MARCHF3: variants seen among roughly 807,000 people sequenced by gnomAD.
The protein encoded by MARCHF3 is E3 ubiquitin-protein ligase MARCHF3.
In MARCHF3, 13 loss-of-function variants were observed where a neutral mutation model predicts 24.2. The ratio of observed to expected loss-of-function variants is 0.54; its 90% CI spans 0.35 to 0.85. The LOEUF (loss-of-function observed/expected upper bound fraction) is 0.85, where lower values mean the gene tolerates loss of function less well. MARCHF3 is among the 40% of genes least tolerant of loss of function. MARCHF3 has a pLI of 0.01. For synonymous variants in MARCHF3, 144 were observed against 137.3 expected, an observed-to-expected ratio of 1.05 and a Z score of -0.34; for missense variants, 276 against 325.0, an observed-to-expected ratio of 0.85 and a Z score of 1.16.
chr5:126,895,705 C>T (rs548536185), intron 3 of MARCHF3, among the ~76,000 whole-genome samples: 53 of 152,244 alleles, frequency 3.5e-4, no homozygotes, highest in African/African-American at 1.2e-3. Context: ...AGAACCACTG[C>T]TCTCTTCAAA....
chr5:126,884,463 G>C (rs139489761), intron 3 of MARCHF3, among the ~76,000 whole-genome samples: 1 of 152,102 alleles, frequency 6.6e-6, no homozygotes, highest in African/African-American at 2.4e-5. Flanking sequence ...ACCTCTAGAC[G>C]TGCACATTCA....
intron 1 of MARCHF3, among the ~76,000 whole-genome samples, chr5:127,012,713 A>G (rs1235333466): frequency 2.0e-5 from 3 of 152,246 alleles, no homozygotes; most frequent in Non-Finnish European, 4.4e-5. Flanking sequence ...AAGCCTTACA[A>G]TACAACAAAA....
At chr5:126,903,557 A>G (rs1389256463) in intron 3 of MARCHF3, among the ~76,000 whole-genome samples, 1 of 152,190 alleles carries the variant, frequency 6.6e-6, no homozygotes, top group East Asian at 1.9e-4. Context: ...TTTTACTTCA[A>G]TGAATATTAA....
intron 4 of MARCHF3, among the ~76,000 whole-genome samples, chr5:126,875,960 A>G (rs539440345): frequency 6.6e-6 from 1 of 152,328 alleles, no homozygotes; most frequent in Non-Finnish European, 1.5e-5. Flanking sequence ...AGGGTGATAA[A>G]TCTTGGGTTT....
intron 3 of MARCHF3, among the ~76,000 whole-genome samples, chr5:126,888,615 T>C (rs749147167): frequency 6.6e-6 from 1 of 152,240 alleles, no homozygotes. Flanking sequence ...TTCAGAATTA[T>C]GTGGCATATC....
intron 4 of MARCHF3, among the ~76,000 whole-genome samples, chr5:126,872,657 C>T (rs1227855011): frequency 1.3e-5 from 2 of 152,072 alleles, no homozygotes; most frequent in Admixed American, 6.6e-5. Flanking sequence ...AAGGCAGGCC[C>T]TTGATCAGAA....
chr5:126,995,375 T>G (rs943564443), intron 1 of MARCHF3, among the ~76,000 whole-genome samples: 1 of 152,248 alleles, frequency 6.6e-6, no homozygotes, highest in African/African-American at 2.4e-5. Flanking sequence ...TTGCAGGTTG[T>G]TGCACATGTT....
At chr5:126,941,799 A>G (rs890370957) in intron 1 of MARCHF3, among the ~76,000 whole-genome samples, 5 of 152,240 alleles carry the variant, frequency 3.3e-5, no homozygotes, top group African/African-American at 9.6e-5. Flanking sequence ...CCATCCAAAC[A>G]CTTGGCATGT....
At position 126,870,767 on chromosome 5, in the gene MARCHF3, A is replaced by G. The variant is rs1752939710; in HGVS notation, c.628T>C (p.Leu210=). 1 of 1,614,202 alleles carries G rather than the reference A, an allele frequency of 6.2e-7. No individual in the cohort carries two copies. Among genetic ancestry groups the G allele is most frequent in the East Asian group, 2.2e-5 (1 of 44,884 alleles). The change falls in exon 5 of 5, where the codon TTG becomes CTG. Residue 210 remains leucine (L), a synonymous_variant. Transcript: ENST00000308660. ...TTGGTCCGACGCCACTCGTTGTACA[A>G]TCGACAGTGGTACCTAAATGACACC... ...TLVSFRYHCR[L]YNEWRRTNQR...
chr5:126,894,639 G>T (rs1158052833), intron 3 of MARCHF3, among the ~76,000 whole-genome samples: 3 of 151,934 alleles, frequency 2.0e-5, no homozygotes, highest in Admixed American at 2.0e-4. Flanking sequence ...GGCTTGTAGG[G>T]TTTCTGCCGA....
chr5:126,927,279 C>G (rs541468880), intron 1 of MARCHF3, among the ~76,000 whole-genome samples: 1 of 152,302 alleles, frequency 6.6e-6, no homozygotes, highest in East Asian at 1.9e-4. Flanking sequence ...TTATCACTTG[C>G]TGTCTGCATA....
chr5:126,923,726 G>GC (rs1187609346), intron 1 of MARCHF3, among the ~76,000 whole-genome samples: 1 of 152,200 alleles, frequency 6.6e-6, no homozygotes. Context: ...AGTCAGAAAT[G>GC]ATGTACTGGA....
intron 1 of MARCHF3, among the ~76,000 whole-genome samples, chr5:126,923,441 G>A (rs1428047931): frequency 6.6e-6 from 1 of 152,140 alleles, no homozygotes; most frequent in Non-Finnish European, 1.5e-5. Flanking sequence ...TGACTCAAAA[G>A]GTTTAAAGGT....
intron 2 of MARCHF3, among the ~76,000 whole-genome samples, chr5:126,916,694 CA>C (rs1754749202): frequency 9.9e-6 from 1 of 100,740 alleles, no homozygotes; most frequent in Admixed American, 1.1e-4. Context: ...GACAGACAGA[CA>C]CACACACACA....
Position 126,870,054 on chromosome 5 carries a change from A to G in MARCHF3, c.*579T>C, listed in dbSNP as rs147283736. On this transcript the variant is annotated 3_prime_UTR_variant, in exon 5 of 5. Transcript: ENST00000308660. ...ATAATTAAATGAAGTTTAGTACAAAACATTCTTCAAATATGACTTGTTCTG... is the reference window on the plus strand; with the variant it reads ...ATAATTAAATGAAGTTTAGTACAAAGCATTCTTCAAATATGACTTGTTCTG... 7.3e-3 allele frequency: 1,117 copies of G among 152,690 alleles called. 5 individuals are homozygous for G. The highest frequency in any genetic ancestry group is 0.037 in the Middle Eastern group (11 of 294). The allele number at this position is 152,690 out of a possible 1,614,324, so 9.5% of individuals were successfully genotyped here.
At chr5:126,935,395 C>A (rs1749611042) in intron 1 of MARCHF3, among the ~76,000 whole-genome samples, 1 of 152,042 alleles carries the variant, frequency 6.6e-6, no homozygotes, top group Non-Finnish European at 1.5e-5. Flanking sequence ...GTTTTTCCTA[C>A]CTTTGAACTC....
intron 1 of MARCHF3, among the ~76,000 whole-genome samples, chr5:127,022,297 G>A (rs114162694): frequency 0.01 from 1,573 of 152,252 alleles, 34 homozygotes; most frequent in African/African-American, 0.036. Flanking sequence ...CATTACTCTC[G>A]AAGGGAAAAG....
intron 3 of MARCHF3, among the ~76,000 whole-genome samples, chr5:126,903,876 A>G (rs1227100423): frequency 2.0e-5 from 3 of 151,868 alleles, no homozygotes; most frequent in Non-Finnish European, 2.9e-5. Flanking sequence ...GGTTAGTTAC[A>G]TATGTATACA....
intron 1 of MARCHF3, among the ~76,000 whole-genome samples, chr5:127,015,861 T>C (rs773101418): frequency 1.3e-5 from 2 of 152,164 alleles, no homozygotes; most frequent in Non-Finnish European, 2.9e-5. Context: ...ACCGTTCTGA[T>C]GATGAAATCT....
Sources: gnomAD v4.1 joint callset for allele counts (sites outside exome capture counted in the v4.1 genomes callset) on GRCh38, gnomAD v4.1.1 for gene constraint, MANE v1.5 for transcripts, NCBI Gene and HGNC (gene_info 2026-07-23, HGNC 2026-07-21) for gene names.